Variants in SEL1L3 observed in about 807,000 individuals in gnomAD.
SEL1L3 encodes the protein protein sel-1 homolog 3.
SEL1L3 carries 76 observed loss-of-function variants against 142.8 expected under a neutral mutation model. That is an observed-to-expected ratio of 0.53 (90% CI 0.44 to 0.64). The LOEUF is 0.64. SEL1L3 is among the 30% of genes least tolerant of loss of function. SEL1L3 has a pLI of 0.00. For missense variants in SEL1L3, 1,262 were observed against 1,381.7 expected, an observed-to-expected ratio of 0.91 and a Z score of 1.37; for synonymous variants, 504 against 519.6, an observed-to-expected ratio of 0.97 and a Z score of 0.41.
chr4:25,792,132 A>G (rs2109195869), intron 11 of SEL1L3, among the ~76,000 whole-genome samples: 1 of 152,288 alleles, frequency 6.6e-6, no homozygotes. Flanking sequence ...TAACAGTAAC[A>G]CTTAGAATAA....
rs375205251 is a variant in SEL1L3 at position 25,862,735 on chromosome 4, G to A, written c.102C>T (p.Gly34=). ...GPRAAAMVPS[G]GVPQGLGGRS... ...GGCCGCCGAGGCCCTGGGGGACGCCGCCACTCGGGACCATGGCTGCGGCCC... is the reference window on the plus strand; with the variant it reads ...GGCCGCCGAGGCCCTGGGGGACGCCACCACTCGGGACCATGGCTGCGGCCC... Residue 34 remains glycine, a synonymous_variant, in exon 1 of 24, where the codon GGC becomes GGT. Coordinates refer to ENST00000399878, the MANE Select transcript of SEL1L3 (RefSeq NM_015187.5). The A allele has an allele frequency of 2.9e-5, 37 of 1,270,596 alleles. No homozygotes were observed. The South Asian group carries it at 8.8e-4, about 30-fold the overall frequency. 78.7% of individuals were successfully genotyped at this position (1,270,596 alleles called of 1,614,324 possible).
intron 23 of SEL1L3, chr4:25,757,006 G>A (rs926133913): frequency 7.0e-6 from 8 of 1,141,568 alleles, no homozygotes; most frequent in Non-Finnish European, 7.7e-6. Context: ...AGTGGCCCAC[G>A]CCTGTAATCC....
chr4:25,858,319 A>G (rs1238526186), intron 1 of SEL1L3, among the ~76,000 whole-genome samples: 1 of 152,170 alleles, frequency 6.6e-6, no homozygotes, highest in East Asian at 1.9e-4. Flanking sequence ...GATGATCTCT[A>G]TTTTCAAATA....
At chr4:25,757,453 A>G in intron 23 of SEL1L3, 81 bp downstream of exon 23, 1 of 919,308 alleles carries the variant, frequency 1.1e-6, no homozygotes, top group Non-Finnish European at 1.5e-6. Context: ...TTTTTCCAGT[A>G]GACCAAAAAA....
rs1714805813 is a variant in SEL1L3, at chr4:25,822,145, AG to A, written c.1158-18del. ...TCCCGGAAGCTAGAGAAGAGAATGA[AG>A]GATTAAGAGAGCTCCATGCCGGAAC... is the stretch of plus-strand genomic sequence containing the variant. On this transcript the variant is annotated intron_variant, in intron 6 of 23. Transcript: ENST00000399878. 5.0e-6 allele frequency: 8 copies of A among 1,613,718 alleles called. No homozygotes were observed. The highest frequency in any genetic ancestry group is 6.8e-6 in the Non-Finnish European group (8 of 1,179,778).
rs1716584877 is a variant in SEL1L3 at position 25,847,307 on chromosome 4, A to G, written c.720T>C (p.Cys240=). The part of the protein sequence containing the change: ...WNLRANRIPQ[C]PLENDVVALL... ...TAGATGACCTACCATTTTCCAGAGG[A>G]CACTGTGGAATCCTGTTTGCCCGAA... Residue 240 remains cysteine, a synonymous_variant, in exon 2 of 24, where the codon TGT becomes TGC. Transcript: ENST00000399878. The G allele has an allele frequency of 1.2e-6, 2 of 1,612,678 alleles. No individual in the cohort carries two copies. The highest frequency in any genetic ancestry group is 8.5e-7 in the Non-Finnish European group (1 of 1,179,046).
At chr4:25,727,019 G>A in the SEL1L3 span, among the ~76,000 whole-genome samples, 2 of 151,310 alleles carry the variant, frequency 1.3e-5, no homozygotes, top group Admixed American at 6.6e-5. Flanking sequence ...CGCCCTTCGT[G>A]TCTCTCTGTG....
At chr4:25,787,949 T>A (rs1211736544) in intron 13 of SEL1L3, among the ~76,000 whole-genome samples, 1 of 152,238 alleles carries the variant, frequency 6.6e-6, no homozygotes, top group Non-Finnish European at 1.5e-5. Flanking sequence ...TGAGCGCCAA[T>A]CAATAAAATA....
chr4:25,755,302 T>C (rs1464835113), intron 23 of SEL1L3, among the ~76,000 whole-genome samples: 1 of 151,828 alleles, frequency 6.6e-6, no homozygotes, highest in African/African-American at 2.4e-5. Context: ...GGGGTCTCGC[T>C]ATGTTGCCCA....
chr4:25,809,898 T>A (rs1713901296), intron 9 of SEL1L3, among the ~76,000 whole-genome samples: 1 of 152,180 alleles, frequency 6.6e-6, no homozygotes, highest in South Asian at 2.1e-4. Flanking sequence ...CGTTTTAAGG[T>A]CTCCAAATAA....
At chr4:25,843,128 C>A (rs941133144) in intron 2 of SEL1L3, among the ~76,000 whole-genome samples, 1 of 152,046 alleles carries the variant, frequency 6.6e-6, no homozygotes, top group Admixed American at 6.6e-5. Flanking sequence ...GAAGGGTGTG[C>A]GTGGTGGGAC....
intron 1 of SEL1L3, among the ~76,000 whole-genome samples, chr4:25,854,715 G>C (rs962431171): frequency 9.9e-5 from 15 of 152,194 alleles, no homozygotes; most frequent in Admixed American, 9.8e-4. Flanking sequence ...GTAGTTGATG[G>C]GGCTTGATTC....
At chr4:25,717,075 C>T in the SEL1L3 span, among the ~76,000 whole-genome samples, 2 of 151,384 alleles carry the variant, frequency 1.3e-5, no homozygotes, top group South Asian at 2.1e-4. Flanking sequence ...TGCAGTGAGC[C>T]GAGATCACAC....
intron 20 of SEL1L3, among the ~76,000 whole-genome samples, chr4:25,763,903 C>T (rs1023034706): frequency 1.3e-5 from 2 of 152,080 alleles, no homozygotes; most frequent in Non-Finnish European, 2.9e-5. Context: ...GATAAGTTTC[C>T]AGTTTTTGCT....
the SEL1L3 span, among the ~76,000 whole-genome samples, chr4:25,741,236 C>T: frequency 6.6e-6 from 1 of 151,736 alleles, no homozygotes; most frequent in Non-Finnish European, 1.5e-5. Flanking sequence ...TCCTGAATAC[C>T]TGGATTACAG....
At chr4:25,766,008 C>G (rs1718701412) in intron 19 of SEL1L3, among the ~76,000 whole-genome samples, 1 of 152,084 alleles carries the variant, frequency 6.6e-6, no homozygotes, top group African/African-American at 2.4e-5. Flanking sequence ...ACCTTGCTGC[C>G]CAAATCAGCC....
At chr4:25,832,960 T>C in intron 5 of SEL1L3, 35 bp downstream of exon 5, 1 of 1,286,690 alleles carries the variant, frequency 7.8e-7, no homozygotes, top group Non-Finnish European at 1.1e-6. Context: ...GCGAAAATGC[T>C]CGTATGTCGT....
chr4:25,802,186 C>T, intron 11 of SEL1L3, 97 bp downstream of exon 11: 1 of 1,107,642 alleles, frequency 9.0e-7, no homozygotes, highest in Non-Finnish European at 1.3e-6. Context: ...TGTTCAACCT[C>T]TGAAGGCCAA....
At chr4:25,800,518 T>C (rs1713101389) in intron 11 of SEL1L3, among the ~76,000 whole-genome samples, 1 of 152,232 alleles carries the variant, frequency 6.6e-6, no homozygotes, top group African/African-American at 2.4e-5. Context: ...TAGCAACATA[T>C]CATTTCCTGT....
Sources: gnomAD v4.1 joint callset for allele counts (sites outside exome capture counted in the v4.1 genomes callset) on GRCh38, gnomAD v4.1.1 for gene constraint, MANE v1.5 for transcripts, NCBI Gene and HGNC (gene_info 2026-07-23, HGNC 2026-07-21) for gene names.